Variants in ASPRV1 observed in about 807,000 individuals in gnomAD.
The protein encoded by ASPRV1 is aspartic peptidase retroviral like 1, also known as retroviral-like aspartic protease 1.
ASPRV1 carries 7 observed loss-of-function variants against 11.0 expected under a neutral mutation model. That is an observed-to-expected ratio of 0.64 (90% CI 0.36 to 1.20). The LOEUF (loss-of-function observed/expected upper bound fraction) is 1.20, where lower values mean the gene tolerates loss of function less well. ASPRV1 is among the 50% of genes most tolerant of loss of function. ASPRV1 has a pLI of 0.02. For missense variants in ASPRV1, 299 were observed against 320.0 expected, an observed-to-expected ratio of 0.93 and a Z score of 0.50; for synonymous variants, 136 against 138.4, an observed-to-expected ratio of 0.98 and a Z score of 0.12.
the ASPRV1 span, among the ~76,000 whole-genome samples, chr2:70,004,192 G>A: frequency 1.3e-5 from 2 of 152,118 alleles, no homozygotes; most frequent in Non-Finnish European, 2.9e-5. Context: ...AGATAGAAAA[G>A]CAGAAGAGGA....
the ASPRV1 span, chr2:69,938,391 C>T: frequency 5.6e-5 from 66 of 1,171,510 alleles, no homozygotes; most frequent in South Asian, 8.5e-4. Context: ...TTCAGTGTCC[C>T]ACCTTGACCA....
chr2:69,933,065 G>A, the ASPRV1 span, among the ~76,000 whole-genome samples: 1 of 151,772 alleles, frequency 6.6e-6, no homozygotes, highest in Admixed American at 6.6e-5. Context: ...CGGACGTGGT[G>A]GCGGGCGCCT....
At chr2:70,010,129 G>A in the ASPRV1 span, among the ~76,000 whole-genome samples, 1 of 152,150 alleles carries the variant, frequency 6.6e-6, no homozygotes, top group Non-Finnish European at 1.5e-5. Context: ...GCACAGGAGA[G>A]TCACACACCC....
the ASPRV1 span, among the ~76,000 whole-genome samples, chr2:70,074,583 C>A: frequency 6.6e-6 from 1 of 151,574 alleles, no homozygotes; most frequent in Non-Finnish European, 1.5e-5. Context: ...GCCCCAACCC[C>A]TTTGTTTAAT....
the ASPRV1 span, among the ~76,000 whole-genome samples, chr2:70,029,509 C>T: frequency 1.3e-4 from 20 of 151,982 alleles, no homozygotes; most frequent in South Asian, 2.1e-4. Flanking sequence ...CGTGGTGGTG[C>T]GCACCTGCAG....
chr2:69,956,780 C>T (rs1372844627), downstream of ASPRV1, among the ~76,000 whole-genome samples: 1 of 152,154 alleles, frequency 6.6e-6, no homozygotes, highest in Non-Finnish European at 1.5e-5. Context: ...AGTGATGAAA[C>T]AAGTCGGCAA....
At chr2:70,060,688 T>A in the ASPRV1 span, among the ~76,000 whole-genome samples, 1 of 151,938 alleles carries the variant, frequency 6.6e-6, no homozygotes, top group South Asian at 2.1e-4. Flanking sequence ...TGGTGGCACA[T>A]GCCTGTAATC....
the ASPRV1 span, among the ~76,000 whole-genome samples, chr2:69,979,277 C>T: frequency 8.5e-5 from 13 of 152,200 alleles, no homozygotes; most frequent in African/African-American, 2.9e-4. Context: ...TCATGATCCA[C>T]CCGCCTCGGC....
At chr2:69,958,961 C>T (rs999937348), downstream of ASPRV1, among the ~76,000 whole-genome samples, 1 of 152,188 alleles carries the variant, frequency 6.6e-6, no homozygotes, top group Non-Finnish European at 1.5e-5. Context: ...AGTTAAGATG[C>T]TTGGCTGCCC....
chr2:70,076,614 T>C, the ASPRV1 span, among the ~76,000 whole-genome samples: 1 of 152,234 alleles, frequency 6.6e-6, no homozygotes, highest in African/African-American at 2.4e-5. Flanking sequence ...AAAAACATAT[T>C]TGATACACTT....
At chr2:69,986,133 C>G in the ASPRV1 span, among the ~76,000 whole-genome samples, 1 of 152,166 alleles carries the variant, frequency 6.6e-6, no homozygotes, top group Admixed American at 6.5e-5. Context: ...CACAGATGTG[C>G]CCATCCATAT....
chr2:69,998,076 C>A, the ASPRV1 span: 1 of 152,004 alleles, frequency 6.6e-6, no homozygotes, highest in Non-Finnish European at 1.5e-5. Context: ...CTCTCCATAC[C>A]CCTTTATAAA....
the ASPRV1 span, among the ~76,000 whole-genome samples, chr2:70,013,207 A>AT: frequency 6.6e-6 from 1 of 152,254 alleles, no homozygotes; most frequent in African/African-American, 2.4e-5. Context: ...TAAAAGACCC[A>AT]TTCAAAGTGC....
the ASPRV1 span, among the ~76,000 whole-genome samples, chr2:69,987,106 G>A: frequency 2.6e-5 from 4 of 152,128 alleles, no homozygotes; most frequent in Non-Finnish European, 4.4e-5. Flanking sequence ...GGGAACAGCC[G>A]GAACGAAGAT....
chr2:69,961,414 C>G lies in ASPRV1; in HGVS notation c.23G>C (p.Ser8Thr). The change falls in exon 1 of 1, where the codon AGT becomes ACT. Residue 8 changes from serine to threonine, a missense_variant. Physicochemically the swap from Ser to Thr is moderately conservative, Grantham distance 58. Transcript: ENST00000320256. ...GGCATGCTGCCGGCGGCCTTCCTCA[C>G]TCCTGGCTCCGCTCCCGGCCATCCT... MAGSGARSEEGRRQHAFV... is the reference protein window; with the variant it reads MAGSGARTEEGRRQHAFV... 6.2e-7 allele frequency: 1 copy of G among 1,614,132 alleles called. No individual in the cohort carries two copies. Among genetic ancestry groups the G allele is most frequent in the Non-Finnish European group, 8.5e-7 (1 of 1,180,050 alleles).
At chr2:70,015,652 T>C in the ASPRV1 span, 1 of 151,946 alleles carries the variant, frequency 6.6e-6, no homozygotes, top group Non-Finnish European at 1.5e-5. Flanking sequence ...GAGAGAGAGA[T>C]TATAATACAA....
the ASPRV1 span, among the ~76,000 whole-genome samples, chr2:70,011,257 G>A: frequency 6.6e-6 from 1 of 151,832 alleles, no homozygotes; most frequent in Non-Finnish European, 1.5e-5. Context: ...ATGTACCCCT[G>A]AACCTAAATT....
chr2:69,974,069 G>T, the ASPRV1 span, among the ~76,000 whole-genome samples: 1 of 152,212 alleles, frequency 6.6e-6, no homozygotes, highest in Admixed American at 6.5e-5. Flanking sequence ...CAGGCATGGT[G>T]GCTCATGCCT....
the ASPRV1 span, chr2:69,937,277 C>G: frequency 6.2e-7 from 1 of 1,614,142 alleles, no homozygotes; most frequent in South Asian, 1.1e-5. Context: ...CCAAATCGAC[C>G]AGCTTCAGCG....
Sources: allele counts gnomAD v4.1 joint callset (sites outside exome capture counted in the v4.1 genomes callset), GRCh38; gene constraint gnomAD v4.1.1; transcripts MANE v1.5; gene names NCBI Gene and HGNC (gene_info 2026-07-23, HGNC 2026-07-21).